The following NCALD variants were observed in gnomAD, a reference collection of about 807,000 sequenced individuals.
NCALD encodes the protein neurocalcin delta, also known as neurocalcin-delta.
In NCALD, 10 loss-of-function variants were observed where a neutral mutation model predicts 18.6. That is an observed-to-expected ratio of 0.54 (90% CI 0.33 to 0.91). NCALD has a LOEUF of 0.91. Among genes scored for constraint, NCALD ranks in the 40% least tolerant of loss-of-function variants. The pLI, the probability that NCALD is intolerant of heterozygous loss-of-function variation, is 0.03. For synonymous variants in NCALD, 88 were observed against 87.4 expected, an observed-to-expected ratio of 1.01 and a Z score of -0.04; for missense variants, 184 against 247.6, an observed-to-expected ratio of 0.74 and a Z score of 1.72.
chr8:101,768,723 CAA>C (rs71268528), intron 1 of NCALD, among the ~76,000 whole-genome samples: 1 of 136,856 alleles, frequency 7.3e-6, no homozygotes, highest in Non-Finnish European at 1.6e-5. Context: ...AACAAAAAAA[CAA>C]AAAAAAAAAA....
At chr8:101,899,612 A>G (rs994374726) in intron 3 of NCALD, among the ~76,000 whole-genome samples, 1 of 151,868 alleles carries the variant, frequency 6.6e-6, no homozygotes, top group African/African-American at 2.4e-5. Flanking sequence ...ATTTTGTCAA[A>G]TGGGTTTCTG....
intron 1 of NCALD, among the ~76,000 whole-genome samples, chr8:102,044,471 C>G (rs1030458766): frequency 6.7e-6 from 1 of 149,586 alleles, no homozygotes; most frequent in Non-Finnish European, 1.5e-5. Context: ...TGGTATGACA[C>G]TATTGAGCAG....
intron 4 of NCALD, among the ~76,000 whole-genome samples, chr8:101,884,406 C>T (rs1017802667): frequency 2.6e-5 from 4 of 152,214 alleles, no homozygotes; most frequent in African/African-American, 7.2e-5. Flanking sequence ...CCACCTAACA[C>T]AGTGCCTGTC....
chr8:101,932,746 C>G (rs1818623783), intron 2 of NCALD, among the ~76,000 whole-genome samples: 1 of 152,138 alleles, frequency 6.6e-6, no homozygotes, highest in Admixed American at 6.5e-5. Context: ...CTGAACAAAG[C>G]CCCCTGCTTT....
intron 1 of NCALD, among the ~76,000 whole-genome samples, chr8:102,112,370 C>G (rs1825667481): frequency 1.3e-5 from 2 of 152,158 alleles, no homozygotes; most frequent in African/African-American, 4.8e-5. Context: ...CCGGATTAAT[C>G]CAGCTCCAGA....
chr8:101,975,934 C>T (rs1004365960), intron 2 of NCALD, among the ~76,000 whole-genome samples: 12 of 152,268 alleles, frequency 7.9e-5, no homozygotes, highest in African/African-American at 2.9e-4. Context: ...CAATGGTTCC[C>T]TTATGTCTTG....
intron 4 of NCALD, among the ~76,000 whole-genome samples, chr8:101,819,461 T>C (rs953822258): frequency 2.6e-5 from 4 of 152,098 alleles, no homozygotes; most frequent in African/African-American, 9.7e-5. Flanking sequence ...CCTTTACTTA[T>C]TGAGACCCAG....
At chr8:101,792,417 T>C (rs1010072768), upstream of NCALD, among the ~76,000 whole-genome samples, 1 of 152,190 alleles carries the variant, frequency 6.6e-6, no homozygotes, top group African/African-American at 2.4e-5. Flanking sequence ...GGAGAAAAGA[T>C]AGATTTTTAT....
intron 1 of NCALD, among the ~76,000 whole-genome samples, chr8:102,110,138 C>T (rs1283515022): frequency 4.6e-5 from 7 of 152,130 alleles, no homozygotes; most frequent in Non-Finnish European, 8.8e-5. Context: ...GAAGAGGAAA[C>T]GAGCCATCAG....
intron 2 of NCALD, among the ~76,000 whole-genome samples, chr8:102,008,302 A>C (rs1290258075): frequency 2.0e-5 from 3 of 152,122 alleles, no homozygotes; most frequent in Non-Finnish European, 2.9e-5. Context: ...CCATACTCAT[A>C]CTTGGCCCAT....
chr8:102,057,385 A>G (rs1310154769), intron 1 of NCALD, among the ~76,000 whole-genome samples: 1 of 152,162 alleles, frequency 6.6e-6, no homozygotes, highest in Non-Finnish European at 1.5e-5. Context: ...AGTGCTATTT[A>G]TAGACTTCTT....
chr8:101,979,382 G>C (rs1443375367), intron 2 of NCALD, among the ~76,000 whole-genome samples: 2 of 152,186 alleles, frequency 1.3e-5, no homozygotes, highest in Non-Finnish European at 2.9e-5. Context: ...TGGGGACAGA[G>C]TAATGAACAA....
At chr8:102,033,072 G>A in intron 1 of NCALD, among the ~76,000 whole-genome samples, 1 of 152,132 alleles carries the variant, frequency 6.6e-6, no homozygotes, top group East Asian at 1.9e-4. Context: ...ATATGGGTTT[G>A]CCTTTTGTAA....
intron 1 of NCALD, among the ~76,000 whole-genome samples, chr8:102,025,258 C>T (rs575178819): frequency 4.1e-4 from 62 of 152,330 alleles, no homozygotes; most frequent in African/African-American, 1.5e-3. Flanking sequence ...ATGTGACTCT[C>T]TCAGTGAGAC....
chr8:101,698,183 A>G (rs946394447), intron 2 of NCALD, among the ~76,000 whole-genome samples: 1 of 152,208 alleles, frequency 6.6e-6, no homozygotes, highest in Non-Finnish European at 1.5e-5. Context: ...CCCATTCACA[A>G]TTGCTACAAA....
At chr8:101,850,689 C>G (rs1815057856) in intron 4 of NCALD, among the ~76,000 whole-genome samples, 1 of 152,162 alleles carries the variant, frequency 6.6e-6, no homozygotes, top group South Asian at 2.1e-4. Context: ...TGTTTACTTT[C>G]TCATGACGTA....
At chr8:101,773,558 C>A (rs1384371973) in intron 1 of NCALD, among the ~76,000 whole-genome samples, 1 of 152,140 alleles carries the variant, frequency 6.6e-6, no homozygotes, top group Non-Finnish European at 1.5e-5. Flanking sequence ...ACCCTCCCTG[C>A]ACCTGAGCAT....
At chr8:101,892,211 C>G (rs1422943565) in intron 3 of NCALD, among the ~76,000 whole-genome samples, 1 of 149,376 alleles carries the variant, frequency 6.7e-6, no homozygotes, top group Non-Finnish European at 1.5e-5. Context: ...GACCCCTGAC[C>G]CCCGAGCAGC....
intron 4 of NCALD, among the ~76,000 whole-genome samples, chr8:101,825,792 G>C (rs7813132): frequency 0.63 from 95,889 of 152,156 alleles, 33,541 homozygotes; most frequent in Non-Finnish European, 0.78. Flanking sequence ...TACCATCTCC[G>C]TCTCAAGCAC....
Sources: gnomAD v4.1 joint callset for allele counts (sites outside exome capture counted in the v4.1 genomes callset) on GRCh38, gnomAD v4.1.1 for gene constraint, MANE v1.5 for transcripts, NCBI Gene and HGNC (gene_info 2026-07-23, HGNC 2026-07-21) for gene names.